Variants in CTNNA2 observed in about 807,000 individuals in gnomAD.
CTNNA2 encodes the protein catenin alpha-2.
CTNNA2 carries 42 observed loss-of-function variants against 101.0 expected under a neutral mutation model. That is an observed-to-expected ratio of 0.42 (90% CI 0.32 to 0.54). CTNNA2 has a LOEUF of 0.54. CTNNA2 is among the 20% of genes least tolerant of loss of function. The pLI, the probability that CTNNA2 is intolerant of heterozygous loss-of-function variation, is 0.14. For synonymous variants in CTNNA2, 450 were observed against 456.4 expected (o/e 0.99, Z 0.18); for missense variants, 871 against 1,223.1 (o/e 0.71, Z 4.29).
chr2:79,613,598 T>C (rs559640438), intron 1 of CTNNA2, among the ~76,000 whole-genome samples: 1 of 152,308 alleles, frequency 6.6e-6, no homozygotes, highest in Non-Finnish European at 1.5e-5. Context: ...TAGAGAAGGA[T>C]AGACTATCAA....
intron 7 of CTNNA2, among the ~76,000 whole-genome samples, chr2:80,030,245 A>G (rs1695202208): frequency 6.6e-6 from 1 of 151,894 alleles, no homozygotes; most frequent in Non-Finnish European, 1.5e-5. Flanking sequence ...AAAAAAAAAA[A>G]AGATGTTAAA....
Position 80,647,574 on chromosome 2 carries a change from T to C in CTNNA2, c.2575-11T>C. The C allele has an allele frequency of 1.9e-6, 3 of 1,589,708 alleles. No homozygotes were observed. The highest frequency in any genetic ancestry group is 2.6e-6 in the Non-Finnish European group (3 of 1,166,072). On this transcript the variant is annotated splice_polypyrimidine_tract_variant and intron_variant, in intron 18 of 18. Coordinates refer to ENST00000402739, the MANE Select transcript of CTNNA2 (RefSeq NM_001282597.3). ...TTAACCCACATGTATCTCATTCTTT[T>C]CCTACTCTAGCTGGACAGTGCCACA...
At chr2:80,532,473 A>G (rs1690627873) in intron 9 of CTNNA2, among the ~76,000 whole-genome samples, 2 of 152,166 alleles carry the variant, frequency 1.3e-5, no homozygotes, top group Admixed American at 1.3e-4. Flanking sequence ...CTTATGTTCA[A>G]TTAACCCTTA....
At position 80,642,748 on chromosome 2, in the gene CTNNA2, C is replaced by T. The variant is rs138722732; in HGVS notation, c.2575-4837C>T. ...ATTCAGTTGATAACATAAGCTGTAG[C>T]AAGAGTCATTTCAAATACTTATTAC... On this transcript the variant is annotated intron_variant, in intron 18 of 18. Transcript: ENST00000402739. 4.3e-3 allele frequency among the ~76,000 whole-genome samples: 652 copies of T among 152,230 alleles called. 9 individuals are homozygous for T. Among genetic ancestry groups the T allele is most frequent in the African/African-American group, 0.015 (626 of 41,530 alleles).
chr2:79,696,422 G>T (rs1448846495), intron 2 of CTNNA2, among the ~76,000 whole-genome samples: 4 of 151,966 alleles, frequency 2.6e-5, no homozygotes, highest in Admixed American at 1.3e-4. Flanking sequence ...CTGTCAACAG[G>T]TTTCTTGATA....
intron 4 of CTNNA2, among the ~76,000 whole-genome samples, chr2:79,388,511 G>T (rs1219469884): frequency 1.3e-5 from 2 of 152,132 alleles, no homozygotes; most frequent in Non-Finnish European, 2.9e-5. Context: ...GTATTTAAAA[G>T]TTAAGAAATA....
rs1674526902 is a variant in CTNNA2, at chr2:79,234,000, G to T, written c.-406+35924G>T. On this transcript the variant is annotated intron_variant, in intron 2 of 21. Transcript: ENST00000466387. The stretch of plus-strand genomic sequence containing the variant: ...GGATCTTGTCTTTTTTATCTAGTTT[G>T]CCACTCTGTGTCTTTTAAGTGGGGT... 2.0e-5 allele frequency among the ~76,000 whole-genome samples: 3 copies of T among 148,900 alleles called. No individual in the cohort carries two copies. The South Asian group carries it at 6.5e-4, about 32-fold the overall frequency.
At chr2:80,032,772 T>A (rs1695372490) in intron 7 of CTNNA2, among the ~76,000 whole-genome samples, 1 of 152,230 alleles carries the variant, frequency 6.6e-6, no homozygotes, top group African/African-American at 2.4e-5. Context: ...CTTTTTGTTT[T>A]ATGTATGGCC....
chr2:79,943,270 G>T (rs1688283700), intron 7 of CTNNA2, among the ~76,000 whole-genome samples: 1 of 145,764 alleles, frequency 6.9e-6, no homozygotes, highest in Admixed American at 7.0e-5. Context: ...TTGCAGAAGA[G>T]AAAGTTAAAA....
At chr2:79,418,410 G>A (rs987866103) in intron 4 of CTNNA2, among the ~76,000 whole-genome samples, 19 of 152,118 alleles carry the variant, frequency 1.2e-4, no homozygotes, top group African/African-American at 4.1e-4. Context: ...GTCTCCCAAA[G>A]TAGCTTGACC....
chr2:79,924,132 C>CT (rs1686863390), intron 7 of CTNNA2, among the ~76,000 whole-genome samples: 1 of 151,930 alleles, frequency 6.6e-6, no homozygotes, highest in Non-Finnish European at 1.5e-5. Context: ...ACTATTCAGT[C>CT]TTTAAAAAAA....
chr2:79,729,216 G>A (rs1687054089), intron 2 of CTNNA2, among the ~76,000 whole-genome samples: 1 of 152,086 alleles, frequency 6.6e-6, no homozygotes, highest in South Asian at 2.1e-4. Flanking sequence ...CTGACCTCAT[G>A]TCCGGCACCC....
intron 7 of CTNNA2, 68 bp from the exon 8 acceptor site, chr2:80,393,143 T>C: frequency 8.2e-7 from 1 of 1,224,818 alleles, no homozygotes; most frequent in Non-Finnish European, 1.1e-6. Context: ...TTTCCTGATT[T>C]TTTTAAATTT....
At chr2:79,698,939 T>G (rs192987248) in intron 2 of CTNNA2, among the ~76,000 whole-genome samples, 11 of 152,204 alleles carry the variant, frequency 7.2e-5, no homozygotes, top group Non-Finnish European at 1.6e-4. Context: ...CTGAAGTTTA[T>G]CAAAAGTGAG....
At chr2:79,383,028 C>T (rs1678057783) in intron 4 of CTNNA2, among the ~76,000 whole-genome samples, 1 of 152,174 alleles carries the variant, frequency 6.6e-6, no homozygotes, top group Admixed American at 6.5e-5. Flanking sequence ...AGAGGTTGCG[C>T]TCAACTTCCT....
intron 12 of CTNNA2, among the ~76,000 whole-genome samples, chr2:80,569,633 GTTTTT>G (rs70940088): frequency 0.017 from 871 of 51,744 alleles, 24 homozygotes; most frequent in African/African-American, 0.043. Flanking sequence ...GGGTATTTAG[GTTTTT>G]TTTTTTTTTT....
chr2:79,876,433 T>C (rs1683029761), intron 6 of CTNNA2, among the ~76,000 whole-genome samples: 1 of 152,226 alleles, frequency 6.6e-6, no homozygotes, highest in Non-Finnish European at 1.5e-5. Flanking sequence ...TGGTGTTTAT[T>C]AAAATTAGTT....
intron 7 of CTNNA2, among the ~76,000 whole-genome samples, chr2:80,069,951 T>C (rs1459348214): frequency 6.6e-6 from 1 of 152,232 alleles, no homozygotes; most frequent in African/African-American, 2.4e-5. Flanking sequence ...TGTTGTAGTC[T>C]TCAATTCACT....
intron 3 of CTNNA2, among the ~76,000 whole-genome samples, chr2:79,320,260 ATTTTTTT>A (rs34694986): frequency 2.0e-4 from 24 of 119,782 alleles, no homozygotes; most frequent in African/African-American, 7.3e-4. Context: ...TTACGTTTCA[ATTTTTTT>A]TTTTTTTTTT....
Sources: gnomAD v4.1 joint callset for allele counts (sites outside exome capture counted in the v4.1 genomes callset) on GRCh38, gnomAD v4.1.1 for gene constraint, MANE v1.5 for transcripts, NCBI Gene and HGNC (gene_info 2026-07-23, HGNC 2026-07-21) for gene names.